HRH1: variants seen among roughly 807,000 people sequenced by gnomAD.
The protein encoded by HRH1 is histamine H1 receptor.
In HRH1, 6 loss-of-function variants were observed where a neutral mutation model predicts 10.3. The observed-to-expected ratio is 0.58, with a 90% CI of 0.32 to 1.15. The LOEUF is 1.15. Ranked by LOEUF, HRH1 falls within the 50% of genes most tolerant of loss-of-function variation. The pLI is 0.05. For synonymous variants in HRH1, 242 were observed against 236.7 expected (o/e 1.02, Z -0.21); for missense variants, 514 against 615.3 (o/e 0.84, Z 1.74).
At chr3:11,205,416 C>T (rs1938083022) in intron 1 of HRH1, among the ~76,000 whole-genome samples, 1 of 152,178 alleles carries the variant, frequency 6.6e-6, no homozygotes, top group Non-Finnish European at 1.5e-5. Flanking sequence ...AATCCCAGCT[C>T]CACCACTCAC....
At position 11,146,553 on chromosome 3, in the gene HRH1, G is replaced by A. The variant is rs577976611; in HGVS notation, c.-36+9154G>A. 5.6e-4 allele frequency among the ~76,000 whole-genome samples: 85 copies of A among 152,332 alleles called. 1 individual carries two copies. Among genetic ancestry groups the A allele is most frequent in the Non-Finnish European group, 9.3e-4 (63 of 68,032 alleles). On this transcript the variant is annotated intron_variant, in intron 1 of 1. Coordinates refer to the HRH1 transcript ENST00000438284. ...AAGAAGTGTTTCCAGACAAGAATGA[G>A]GGAGAGAGCTGGAGCATCCACAAGG...
chr3:11,159,989 A>G (rs531746121), intron 1 of HRH1, among the ~76,000 whole-genome samples: 1 of 152,348 alleles, frequency 6.6e-6, no homozygotes, highest in Admixed American at 6.5e-5. Flanking sequence ...AGTTCTTCTA[A>G]CCAGACATCC....
At chr3:11,184,212 T>C (rs1304777553) in intron 1 of HRH1, among the ~76,000 whole-genome samples, 3 of 152,208 alleles carry the variant, frequency 2.0e-5, no homozygotes, top group Non-Finnish European at 4.4e-5. Flanking sequence ...AAACTTACTA[T>C]ATCTGACAGG....
At chr3:11,227,116 G>A (rs1056176748) in intron 1 of HRH1, among the ~76,000 whole-genome samples, 1 of 152,102 alleles carries the variant, frequency 6.6e-6, no homozygotes, top group African/African-American at 2.4e-5. Flanking sequence ...TGTGACAGCA[G>A]TTGAGAGACG....
rs368293498 is a variant in HRH1, at chr3:11,260,094, G to A, written c.1057G>A (p.Gly353Ser). 35 of 1,613,956 alleles carry A rather than the reference G, an allele frequency of 2.2e-5. No individual in the cohort carries two copies. The highest frequency in any genetic ancestry group is 2.7e-5 in the Non-Finnish European group (32 of 1,180,030). Residue 353 changes from glycine to serine, a missense_variant, in exon 2 of 2, where the codon GGT becomes AGT. Gly to Ser is a moderately conservative substitution (Grantham distance 56, BLOSUM62 0). Coordinates refer to ENST00000431010, the MANE Select transcript of HRH1 (RefSeq NM_001098212.2). ...CGAGATATCAGAGGATCAGATGTTA[G>A]GTGATAGCCAATCCTTCTCTCGAAC... ...ASEISEDQML[G>S]DSQSFSRTDS...
intron 1 of HRH1, among the ~76,000 whole-genome samples, chr3:11,172,639 C>T (rs529106402): frequency 1.3e-5 from 2 of 152,172 alleles, no homozygotes; most frequent in South Asian, 2.1e-4. Context: ...GACCCCCAGA[C>T]CCAGCTGAGA....
In HRH1 at chr3:11,262,599, G is replaced by C. The variant is rs201552760; in HGVS notation, c.*2098G>C. On this transcript the variant is annotated 3_prime_UTR_variant, in exon 2 of 2. Transcript: ENST00000431010. ...TTGTTCAGAAGACCTCCCTGTGAGA[G>C]AGTTGCTCCTCAGGGTCCCTCAGGA... 6.0e-6 allele frequency: 1 copy of C among 167,188 alleles called. No individual in the cohort carries two copies. Among genetic ancestry groups the C allele is most frequent in the African/African-American group, 2.4e-5 (1 of 41,570 alleles). 10.4% of individuals were successfully genotyped at this position (167,188 alleles called of 1,614,324 possible).
At chr3:11,148,429 T>C (rs1386307519) in intron 1 of HRH1, among the ~76,000 whole-genome samples, 1 of 152,096 alleles carries the variant, frequency 6.6e-6, no homozygotes, top group Non-Finnish European at 1.5e-5. Context: ...GATAGAAGTG[T>C]CTTTATCATG....
intron 1 of HRH1, among the ~76,000 whole-genome samples, chr3:11,156,095 A>G (rs1172154548): frequency 2.0e-5 from 3 of 152,186 alleles, no homozygotes; most frequent in Non-Finnish European, 4.4e-5. Flanking sequence ...GGATGAATAG[A>G]GGAAAGCCAG....
In HRH1 at chr3:11,154,714, G is replaced by A. The variant is rs372533588; in HGVS notation, c.-36+160G>A. Among the ~76,000 whole-genome samples, 4 of 152,204 alleles carry A rather than the reference G, an allele frequency of 2.6e-5. No homozygotes were observed. The East Asian group carries it at 5.9e-4, about 22-fold the overall frequency. On this transcript the variant is annotated intron_variant, in intron 1 of 1. Coordinates refer to ENST00000431010, the MANE Select transcript of HRH1 (RefSeq NM_001098212.2). The surrounding 1 kb of genome is among the most constrained non-coding windows in gnomAD (Gnocchi z 4.4). Reference sequence around the variant, plus strand: ...GCGCGCTTGGGTACCCTCGCGACGCGGGTGGCCTGGGGAGGGTGGCGGAGG... The same window carrying A: ...GCGCGCTTGGGTACCCTCGCGACGCAGGTGGCCTGGGGAGGGTGGCGGAGG...
chr3:11,178,843 G>A (rs1937295348), intron 1 of HRH1, among the ~76,000 whole-genome samples: 1 of 152,086 alleles, frequency 6.6e-6, no homozygotes, highest in Non-Finnish European at 1.5e-5. Context: ...CGGTGACTTG[G>A]GTAAATCACT....
chr3:11,219,786 T>C (rs1938641447), intron 1 of HRH1, among the ~76,000 whole-genome samples: 1 of 151,602 alleles, frequency 6.6e-6, no homozygotes, highest in Non-Finnish European at 1.5e-5. Flanking sequence ...CACTGGTATC[T>C]GCTGCAAGAC....
intron 1 of HRH1, among the ~76,000 whole-genome samples, chr3:11,217,896 G>A (rs1938567331): frequency 6.6e-6 from 1 of 152,168 alleles, no homozygotes; most frequent in South Asian, 2.1e-4. Flanking sequence ...CTGAGCCTGA[G>A]CCAGTCTCTG....
chr3:11,260,127 G>T lies in HRH1; in HGVS notation c.1090G>T (p.Asp364Tyr), dbSNP rs1280193907. 7 of 1,614,114 alleles carry T rather than the reference G, an allele frequency of 4.3e-6. No individual in the cohort carries two copies. The highest frequency in any genetic ancestry group is 5.1e-6 in the Non-Finnish European group (6 of 1,180,024). ...CCAATCCTTCTCTCGAACGGACTCAGATACCACCACAGAGACAGCACCAGG... is the reference window on the plus strand; with the variant it reads ...CCAATCCTTCTCTCGAACGGACTCATATACCACCACAGAGACAGCACCAGG... ...DSQSFSRTDS[D>Y]TTTETAPGKG... Residue 364 changes from aspartate (D) to tyrosine (Y), a missense_variant, in exon 2 of 2, where the codon GAT (aspartate) becomes TAT (tyrosine). Coordinates refer to ENST00000431010, the MANE Select transcript of HRH1 (RefSeq NM_001098212.2).
chr3:11,230,355 A>G (rs1939006975), intron 1 of HRH1, among the ~76,000 whole-genome samples: 1 of 152,200 alleles, frequency 6.6e-6, no homozygotes, highest in South Asian at 2.1e-4. Context: ...CTGGATCCCA[A>G]ACCTGGCTGG....
At chr3:11,226,638 C>T (rs1407260951) in intron 1 of HRH1, 2 of 152,140 alleles carry the variant, frequency 1.3e-5, no homozygotes, top group East Asian at 1.9e-4. Flanking sequence ...GTAATCCCAG[C>T]ACTTTGGGAG....
chr3:11,152,017 A>G (rs928481795), upstream of HRH1, among the ~76,000 whole-genome samples: 5 of 152,178 alleles, frequency 3.3e-5, no homozygotes, highest in South Asian at 6.2e-4. Flanking sequence ...GCACAGAAGT[A>G]GGAGTGGGGC....
intron 1 of HRH1, among the ~76,000 whole-genome samples, chr3:11,201,901 G>T (rs142956967): frequency 7.9e-4 from 121 of 152,314 alleles, no homozygotes; most frequent in African/African-American, 2.7e-3. Flanking sequence ...CAGGCCTGTG[G>T]CAGTGTTGGG....
intron 1 of HRH1, among the ~76,000 whole-genome samples, chr3:11,241,900 G>A (rs1157628303): frequency 1.3e-5 from 2 of 151,652 alleles, no homozygotes; most frequent in African/African-American, 4.9e-5. Context: ...TCAGCGCTCT[G>A]TAAAACGCAC....
Sources: gnomAD v4.1 joint callset for allele counts (sites outside exome capture counted in the v4.1 genomes callset) on GRCh38, gnomAD v4.1.1 for gene constraint, Gnocchi (gnomAD v3.1) non-coding constraint, MANE v1.5 for transcripts, NCBI Gene and HGNC (gene_info 2026-07-23, HGNC 2026-07-21) for gene names.